The following TRIM4 variants were observed in gnomAD, a reference collection of about 807,000 sequenced individuals.
TRIM4 encodes the protein E3 ubiquitin-protein ligase TRIM4.
In TRIM4, 29 loss-of-function variants were observed where a neutral mutation model predicts 33.7. That is an observed-to-expected ratio of 0.86 (90% CI 0.64 to 1.17). The LOEUF (loss-of-function observed/expected upper bound fraction) is 1.17. Among genes scored for constraint, TRIM4 ranks in the 50% most tolerant of loss-of-function variants. The pLI, the probability that TRIM4 is intolerant of heterozygous loss-of-function variation, is 0.00. For synonymous variants in TRIM4, 224 were observed against 233.0 expected (o/e 0.96, Z 0.35); for missense variants, 554 against 593.7 (o/e 0.93, Z 0.69).
chr7:99,905,070 A>G (rs1819266702), intron 3 of TRIM4, among the ~76,000 whole-genome samples: 5 of 151,920 alleles, frequency 3.3e-5, no homozygotes, highest in Non-Finnish European at 5.9e-5. Context: ...AAATAGCTTT[A>G]TCAAGGAAAG....
At chr7:99,912,916 T>G (rs1819478048) in intron 1 of TRIM4, among the ~76,000 whole-genome samples, 1 of 152,252 alleles carries the variant, frequency 6.6e-6, no homozygotes, top group South Asian at 2.1e-4. Flanking sequence ...CTATCTCTAG[T>G]AGTTAACTTT....
chr7:99,917,363 A>C (rs543611500), intron 1 of TRIM4, among the ~76,000 whole-genome samples: 1 of 152,360 alleles, frequency 6.6e-6, no homozygotes, highest in Non-Finnish European at 1.5e-5. Context: ...TTTCCTGTTC[A>C]TAGTCAGCTG....
At position 99,903,653 on chromosome 7, in the gene TRIM4, A is replaced by C. The variant is rs540720193; in HGVS notation, c.721-55T>G. The C allele has an allele frequency of 1.1e-4, 178 of 1,601,208 alleles. 1 individual carries two copies. In the Middle Eastern group the frequency reaches 2.0e-3, roughly 18 times the overall value. Reference sequence around the variant, plus strand: ...TACGAACCTTCTCCTGGAGACCTGGAATACAACTGTGTGAGCAGGTATTTT... The same window carrying C: ...TACGAACCTTCTCCTGGAGACCTGGCATACAACTGTGTGAGCAGGTATTTT... On this transcript the variant is annotated intron_variant, in intron 3 of 5. Coordinates refer to ENST00000349062, the MANE Select transcript of TRIM4 (RefSeq NM_033091.3).
intron 1 of TRIM4, among the ~76,000 whole-genome samples, chr7:99,915,004 T>G (rs1274745307): frequency 6.6e-6 from 1 of 151,998 alleles, no homozygotes; most frequent in Non-Finnish European, 1.5e-5. Context: ...AAGACAGGGT[T>G]TCACCATGTT....
At chr7:99,903,125 C>T in intron 5 of TRIM4, 93 bp downstream of exon 5, 1 of 907,572 alleles carries the variant, frequency 1.1e-6, no homozygotes, top group African/African-American at 1.7e-5. Flanking sequence ...CTATTAGCTG[C>T]ATGCTGTTTC....
chr7:99,913,120 G>C (rs1427814596), intron 1 of TRIM4, among the ~76,000 whole-genome samples: 1 of 152,104 alleles, frequency 6.6e-6, no homozygotes, highest in Non-Finnish European at 1.5e-5. Context: ...CTACTAAATA[G>C]AGATTTTCTA....
In TRIM4 at chr7:99,903,271, A is replaced by C. The variant is rs1438809356; in HGVS notation, c.788T>G (p.Val263Gly). 1 of 1,613,394 alleles carries C rather than the reference A, an allele frequency of 6.2e-7. No homozygotes were observed. Among genetic ancestry groups the C allele is most frequent in the South Asian group, 1.1e-5 (1 of 91,042 alleles). The change falls in exon 5 of 6, where the codon GTG becomes GGG. Residue 263 changes from valine (V) to glycine (G), a missense_variant. Physicochemically the swap from Val to Gly is moderately radical, Grantham distance 109. Around this residue, in one of 3 missense-constraint regions of TRIM4, gnomAD observed 290 missense variants for 335.8 expected, o/e 0.86. Transcript: ENST00000349062. ...CAATGGTATCTGGCACACTGTCTTCACCTTTACAGCTTCAAGAGAATAGTT... is the reference window on the plus strand; with the variant it reads ...CAATGGTATCTGGCACACTGTCTTCCCCTTTACAGCTTCAAGAGAATAGTT... ...DVNYSLEAVK[V>G]KTVCQIPLMK... is the part of the protein sequence containing the mutation.
At chr7:99,915,253 C>T (rs1324331371) in intron 1 of TRIM4, among the ~76,000 whole-genome samples, 2 of 152,196 alleles carry the variant, frequency 1.3e-5, no homozygotes, top group East Asian at 3.8e-4. Context: ...TCTTGTTCAC[C>T]ACTGGATTCC....
At chr7:99,909,161 T>TGC (rs1563087365) in intron 2 of TRIM4, among the ~76,000 whole-genome samples, 1 of 150,044 alleles carries the variant, frequency 6.7e-6, no homozygotes, top group African/African-American at 2.5e-5. Context: ...TGTGTGTGCG[T>TGC]GTGTGTGTGC....
chr7:99,912,235 C>T (rs1417171314), intron 1 of TRIM4, among the ~76,000 whole-genome samples: 2 of 152,084 alleles, frequency 1.3e-5, no homozygotes, highest in African/African-American at 4.8e-5. Flanking sequence ...AATTTTACCT[C>T]AAAAAATACC....
rs551529965 is a variant in TRIM4, at chr7:99,914,274, C to T, written c.394-4614G>A. ...CTGAGTGCAAGTGATCCTCTAGTCT[C>T]GGCCTCCCGAATAGCTGGGACTACA... On this transcript the variant is annotated intron_variant, in intron 1 of 5. Coordinates refer to ENST00000349062, the MANE Select transcript of TRIM4 (RefSeq NM_033091.3). Among the ~76,000 whole-genome samples the T allele has an allele frequency of 3.3e-5, 5 of 152,278 alleles. No homozygotes were observed. In the South Asian group the frequency reaches 1.0e-3, roughly 32 times the overall value.
chr7:99,913,398 G>A (rs191634691), intron 1 of TRIM4, among the ~76,000 whole-genome samples: 2 of 152,212 alleles, frequency 1.3e-5, no homozygotes, highest in Admixed American at 6.5e-5. Flanking sequence ...GCTAGGTGCG[G>A]TGGCTCACGC....
At chr7:99,908,527 CAA>C in intron 3 of TRIM4, 53 bp downstream of exon 3, 2 of 1,398,432 alleles carry the variant, frequency 1.4e-6, no homozygotes, top group African/African-American at 1.4e-5. Flanking sequence ...GCTCTAAAGA[CAA>C]GAGAGAGTTC....
At chr7:99,909,711 ATCT>A (rs772301253) in intron 1 of TRIM4, 51 bp from the exon 2 acceptor site, 1 of 1,285,860 alleles carries the variant, frequency 7.8e-7, no homozygotes, top group Non-Finnish European at 1.1e-6. Context: ...AACCATCATC[ATCT>A]TCTTTTTTCT....
intron 1 of TRIM4, among the ~76,000 whole-genome samples, chr7:99,912,705 T>C (rs1294966428): frequency 6.6e-6 from 1 of 152,216 alleles, no homozygotes; most frequent in Admixed American, 6.5e-5. Flanking sequence ...ATGTTAATGG[T>C]AGAATCTACA....
chr7:99,897,830 G>A (rs1007692108), intron 5 of TRIM4, among the ~76,000 whole-genome samples: 3 of 152,146 alleles, frequency 2.0e-5, no homozygotes, highest in East Asian at 1.9e-4. Flanking sequence ...TAAACCAGGC[G>A]CCAGGCCACT....
At chr7:99,909,133 G>GGTGGGTGT (rs1554452960) in intron 2 of TRIM4, among the ~76,000 whole-genome samples, 2 of 148,512 alleles carry the variant, frequency 1.3e-5, no homozygotes. Flanking sequence ...GGAGTGTGAG[G>GGTGGGTGT]GTGTGTGTGT....
intron 1 of TRIM4, among the ~76,000 whole-genome samples, chr7:99,915,031 A>G (rs1010618070): frequency 2.0e-5 from 3 of 152,040 alleles, no homozygotes; most frequent in Non-Finnish European, 4.4e-5. Context: ...GCTGGTCTCA[A>G]ACTCCTGACC....
chr7:99,892,107 T>C lies in TRIM4; in HGVS notation c.*56A>G, dbSNP rs1818903432. The C allele has an allele frequency of 5.6e-6, 8 of 1,436,900 alleles. No individual in the cohort carries two copies. Among genetic ancestry groups the C allele is most frequent in the Non-Finnish European group, 7.6e-6 (8 of 1,058,026 alleles). The allele number at this position is 1,436,900 out of a possible 1,614,324, so 89.0% of individuals were successfully genotyped here. ...TGAAGGGCAGAAGAGGGCCCAGGGA[T>C]GTGTGTCCCTCAGCTGGACTACAGG... On this transcript the variant is annotated 3_prime_UTR_variant, in exon 6 of 6. Transcript: ENST00000349062.
Sources: gnomAD v4.1 joint callset for allele counts (sites outside exome capture counted in the v4.1 genomes callset) on GRCh38, gnomAD v4.1.1 for gene constraint, gnomAD v4.1.1 regional missense constraint, MANE v1.5 for transcripts, NCBI Gene and HGNC (gene_info 2026-07-23, HGNC 2026-07-21) for gene names.